The following WDR7 variants were observed in gnomAD, a reference collection of about 807,000 sequenced individuals.
WDR7 encodes WD repeat-containing protein 7.
In WDR7, 46 loss-of-function variants were observed where a neutral mutation model predicts 169.4. The ratio of observed to expected loss-of-function variants is 0.27; its 90% CI spans 0.21 to 0.35. The LOEUF is 0.35. Ranked by LOEUF, WDR7 falls within the 10% of genes least tolerant of loss-of-function variation. WDR7 has a pLI of 1.00. For missense variants in WDR7, 1,534 were observed against 1,859.3 expected (o/e 0.83, Z 3.22); for synonymous variants, 612 against 666.8 (o/e 0.92, Z 1.27).
chr18:56,786,167 G>T (rs2044396343), intron 19 of WDR7, among the ~76,000 whole-genome samples: 1 of 152,096 alleles, frequency 6.6e-6, no homozygotes, highest in Non-Finnish European at 1.5e-5. Flanking sequence ...TGCCAGACTG[G>T]AGATCACTGG....
chr18:56,720,382 G>A (rs1291634447), intron 13 of WDR7, among the ~76,000 whole-genome samples: 9 of 152,042 alleles, frequency 5.9e-5, no homozygotes, highest in African/African-American at 2.2e-4. Context: ...CCAGGAGGTC[G>A]AGGCTACAGT....
intron 25 of WDR7, among the ~76,000 whole-genome samples, chr18:56,943,170 G>A (rs901645928): frequency 1.3e-5 from 2 of 152,122 alleles, no homozygotes; most frequent in African/African-American, 4.8e-5. Flanking sequence ...TTATTTTATT[G>A]AATATCTGCC....
chr18:56,847,230 G>T (rs1032573523), intron 20 of WDR7, among the ~76,000 whole-genome samples: 3 of 152,144 alleles, frequency 2.0e-5, no homozygotes, highest in Non-Finnish European at 2.9e-5. Context: ...TGGTTACATT[G>T]TGTCCAGACC....
At chr18:56,867,269 T>G (rs2045895616) in intron 20 of WDR7, among the ~76,000 whole-genome samples, 1 of 152,108 alleles carries the variant, frequency 6.6e-6, no homozygotes, top group African/African-American at 2.4e-5. Flanking sequence ...ACTCCTGAGC[T>G]CAAGCCATCT....
chr18:56,782,373 T>C (rs2044330882), intron 19 of WDR7, among the ~76,000 whole-genome samples: 2 of 152,140 alleles, frequency 1.3e-5, no homozygotes, highest in South Asian at 2.1e-4. Flanking sequence ...TACTAAATAA[T>C]TTTTTTAAGG....
chr18:56,950,099 G>T (rs1161865139), intron 25 of WDR7, among the ~76,000 whole-genome samples: 1 of 152,186 alleles, frequency 6.6e-6, no homozygotes, highest in Non-Finnish European at 1.5e-5. Context: ...GAGAAAAGCA[G>T]CTAGTTCATT....
At chr18:57,002,324 CAAAT>C (rs1372272206) in intron 26 of WDR7, among the ~76,000 whole-genome samples, 1 of 152,058 alleles carries the variant, frequency 6.6e-6, no homozygotes, top group African/African-American at 2.4e-5. Flanking sequence ...ACATATAGTA[CAAAT>C]AAATTATCTA....
chr18:56,872,483 T>C (rs2045966593), intron 20 of WDR7, among the ~76,000 whole-genome samples: 1 of 152,188 alleles, frequency 6.6e-6, no homozygotes, highest in Non-Finnish European at 1.5e-5. Flanking sequence ...TCAATTATGC[T>C]AAATCTGAAG....
intron 26 of WDR7, chr18:57,010,072 G>A (rs937786138): frequency 1.2e-4 from 123 of 985,348 alleles, no homozygotes; most frequent in Non-Finnish European, 1.5e-4. Flanking sequence ...TGTCTAGAAA[G>A]GGTGGAGATA....
chr18:56,757,607 A>G (rs1257903628), intron 15 of WDR7, among the ~76,000 whole-genome samples: 1 of 152,140 alleles, frequency 6.6e-6, no homozygotes, highest in Non-Finnish European at 1.5e-5. Context: ...TTGGTCATAT[A>G]GACTAGCTCT....
chr18:56,775,320 T>C (rs1025133772), intron 16 of WDR7, among the ~76,000 whole-genome samples: 3 of 152,088 alleles, frequency 2.0e-5, no homozygotes, highest in African/African-American at 7.2e-5. Context: ...AGAACAAAAA[T>C]TAAAACCTGC....
intron 14 of WDR7, among the ~76,000 whole-genome samples, chr18:56,739,103 ATC>A (rs1388167002): frequency 2.0e-5 from 3 of 151,218 alleles, no homozygotes; most frequent in Non-Finnish European, 2.9e-5. Flanking sequence ...CTGCTACTCT[ATC>A]TCTGTTTTTC....
At chr18:56,997,566 G>A (rs1300431233) in intron 26 of WDR7, among the ~76,000 whole-genome samples, 1 of 152,154 alleles carries the variant, frequency 6.6e-6, no homozygotes, top group South Asian at 2.1e-4. Flanking sequence ...AACCAAAGGA[G>A]GTAGGGAAAA....
intron 21 of WDR7, among the ~76,000 whole-genome samples, chr18:56,907,777 G>C (rs937010817): frequency 2.6e-5 from 4 of 152,208 alleles, no homozygotes; most frequent in South Asian, 2.1e-4. Context: ...TCCTCACTTG[G>C]TAGAAAGGGT....
At chr18:57,009,708 TTGTAA>T (rs912812755) in intron 26 of WDR7, 8 of 340,042 alleles carry the variant, frequency 2.4e-5, no homozygotes, top group African/African-American at 4.5e-5. Flanking sequence ...TTATTTTATG[TTGTAA>T]TGTAACACTT....
At chr18:56,757,901 C>T (rs142084352) in intron 15 of WDR7, among the ~76,000 whole-genome samples, 1,969 of 151,620 alleles carry the variant, frequency 0.013, 21 homozygotes, top group East Asian at 0.033. Context: ...CCTGGAAGTT[C>T]GTGGCTGCAG....
At chr18:56,860,521 A>C (rs2045788475) in intron 20 of WDR7, among the ~76,000 whole-genome samples, 1 of 152,196 alleles carries the variant, frequency 6.6e-6, no homozygotes, top group South Asian at 2.1e-4. Context: ...TCCAGCACTC[A>C]TGAGTAACCC....
At chr18:56,964,905 A>G (rs2047386436) in intron 26 of WDR7, among the ~76,000 whole-genome samples, 1 of 152,224 alleles carries the variant, frequency 6.6e-6, no homozygotes, top group Non-Finnish European at 1.5e-5. Context: ...ATCCAGTGAC[A>G]CTGAACTCTT....
At chr18:56,738,578 A>G (rs2026752292) in intron 14 of WDR7, among the ~76,000 whole-genome samples, 1 of 152,126 alleles carries the variant, frequency 6.6e-6, no homozygotes, top group Non-Finnish European at 1.5e-5. Flanking sequence ...AAACAAACAA[A>G]TTATTTTCAG....
Sources: gnomAD v4.1 joint callset for allele counts (sites outside exome capture counted in the v4.1 genomes callset) on GRCh38, gnomAD v4.1.1 for gene constraint, MANE v1.5 for transcripts, NCBI Gene and HGNC (gene_info 2026-07-23, HGNC 2026-07-21) for gene names.